The following PRAM1 variants were observed in gnomAD, a reference collection of about 807,000 sequenced individuals.
PRAM1 encodes the protein PML-RARA regulated adaptor molecule 1, also known as PML-RARA-regulated adapter molecule 1.
A neutral mutation model predicts 55.3 loss-of-function variants in PRAM1; 41 were observed. That is an observed-to-expected ratio of 0.74 (90% confidence interval 0.58 to 0.96). PRAM1 has a LOEUF of 0.96. PRAM1 is among the 40% of genes least tolerant of loss of function. The pLI is 0.00. For missense variants in PRAM1, 898 were observed against 892.7 expected (o/e 1.01, Z -0.08); for synonymous variants, 401 against 387.1 (o/e 1.04, Z -0.42).
Position 8,490,413 on chromosome 19 carries a change from C to T in PRAM1, c.1941-41G>A. 6.2e-7 allele frequency: 1 copy of T among 1,613,854 alleles called. No individual in the cohort carries two copies. The highest frequency in any genetic ancestry group is 8.5e-7 in the Non-Finnish European group (1 of 1,179,832). On this transcript the variant is annotated intron_variant, in intron 8 of 9. Transcript: ENST00000423345. This position sits in a 1 kb window ranked among gnomAD's most constrained non-coding sequence, Gnocchi z 7.3. ...TGGGTCAGCAAGGGGCACCGTGGCC[C>T]ATTCCCCCCACCCTGCACCACACAC...
At chr19:8,496,223 G>A in intron 4 of PRAM1, 1 of 395,754 alleles carries the variant, frequency 2.5e-6, no homozygotes, top group East Asian at 8.8e-5. Context: ...AGGCCAGCCT[G>A]GCCAATGTAG....
chr19:8,500,726 A>C (rs897228024), intron 1 of PRAM1, among the ~76,000 whole-genome samples: 3 of 151,934 alleles, frequency 2.0e-5, no homozygotes, highest in African/African-American at 7.3e-5. Context: ...CTCTGTTCTC[A>C]TATTTTCTTA....
intron 4 of PRAM1, among the ~76,000 whole-genome samples, chr19:8,492,912 G>A (rs762330107): frequency 2.6e-5 from 4 of 152,148 alleles, no homozygotes; most frequent in South Asian, 2.1e-4. Context: ...CAGGAGAATC[G>A]CCGGAACCTG....
intron 4 of PRAM1, among the ~76,000 whole-genome samples, chr19:8,497,012 C>T (rs919556815): frequency 4.0e-5 from 6 of 151,876 alleles, no homozygotes; most frequent in Non-Finnish European, 7.4e-5. Flanking sequence ...GGTGACAGAG[C>T]GAGACTCCAT....
intron 1 of PRAM1, 54 bp from the exon 2 acceptor site, chr19:8,499,834 G>T: frequency 6.9e-7 from 1 of 1,452,282 alleles, no homozygotes. Flanking sequence ...AAGGGGCATG[G>T]AAGGATGGGC....
chr19:8,502,613 G>A lies in PRAM1; in HGVS notation c.-22C>T, dbSNP rs1262209944. On this transcript the variant is annotated 5_prime_UTR_variant, in exon 1 of 10. Coordinates refer to ENST00000423345, the MANE Select transcript of PRAM1 (RefSeq NM_032152.5). ...CCATGGGATGAGTGGGACCCGAGCT[G>A]GGGCCGCTGCCTTCAGGAAGTGACT... The A allele has an allele frequency of 1.3e-6, 2 of 1,549,294 alleles. No homozygotes were observed. The highest frequency in any genetic ancestry group is 1.7e-6 in the Non-Finnish European group (2 of 1,148,036).
intron 4 of PRAM1, chr19:8,491,494 A>C: frequency 4.9e-6 from 2 of 405,590 alleles, no homozygotes; most frequent in African/African-American, 2.1e-5. Context: ...CGGCCTCCTA[A>C]AGTGCTGGGA....
chr19:8,498,799 C>T lies in PRAM1; in HGVS notation c.1009G>A (p.Glu337Lys). The change falls in exon 2 of 10, where the codon GAG (glutamate) becomes AAG (lysine). Residue 337 changes from glutamate to lysine, a missense_variant. Physicochemically the swap from Glu to Lys is moderately conservative, Grantham distance 56. Around this residue, in one of 4 missense-constraint regions of PRAM1, gnomAD observed 787 missense variants for 735.4 expected, o/e 1.07. Transcript: ENST00000423345. Reference sequence around the variant, plus strand: ...AGCTTCCTGGGGAGTGAGTTGAACTCGGGCTCTGAGGAGGTCCTGGGGAGG... The same window carrying T: ...AGCTTCCTGGGGAGTGAGTTGAACTTGGGCTCTGAGGAGGTCCTGGGGAGG... ...GGLPRTSSEPEFNSLPRKLLQ... is the reference protein window; with the variant it reads ...GGLPRTSSEPKFNSLPRKLLQ... 6.3e-7 allele frequency: 1 copy of T among 1,580,242 alleles called. No individual in the cohort carries two copies. The highest frequency in any genetic ancestry group is 8.6e-7 in the Non-Finnish European group (1 of 1,163,772).
In PRAM1 at chr19:8,490,696, G is replaced by C. The variant is rs745481872; in HGVS notation, c.1804C>G (p.Arg602Gly). 7.5e-6 allele frequency: 12 copies of C among 1,609,138 alleles called. No individual in the cohort carries two copies. Among genetic ancestry groups the C allele is most frequent in the Non-Finnish European group, 1.0e-5 (12 of 1,177,998 alleles). ...MMIDPNAKTR[R>G]GGGKHLGIRR... Reference sequence around the variant, plus strand: ...ATCCCGAGGTGCTTGCCACCCCCGCGACGTGTCTTAGCGTTGGGGTCGATC... The same window carrying C: ...ATCCCGAGGTGCTTGCCACCCCCGCCACGTGTCTTAGCGTTGGGGTCGATC... The change falls in exon 7 of 10, where the codon CGC becomes GGC. Residue 602 changes from arginine to glycine, a missense_variant. Transcript: ENST00000423345. This position sits in a 1 kb window ranked among gnomAD's most constrained non-coding sequence, Gnocchi z 7.3.
intron 3 of PRAM1, 41 bp from the exon 4 acceptor site, chr19:8,497,881 T>A: frequency 7.3e-7 from 1 of 1,379,262 alleles, no homozygotes; most frequent in Non-Finnish European, 9.8e-7. Context: ...TTTTTTTTTT[T>A]TTTTTTTTTT....
At chr19:8,499,900 G>A (rs1284856505) in intron 1 of PRAM1, 120 bp from the exon 2 acceptor site, 1 of 808,152 alleles carries the variant, frequency 1.2e-6, no homozygotes, top group Non-Finnish European at 1.9e-6. Flanking sequence ...GGCCCGGTCA[G>A]CCCTCAGCTC....
At chr19:8,491,237 T>C in intron 4 of PRAM1, 80 bp from the exon 5 acceptor site, 4 of 1,437,264 alleles carry the variant, frequency 2.8e-6, no homozygotes, top group Non-Finnish European at 3.8e-6. Flanking sequence ...TTGTTTGTTT[T>C]TGTGTTTTTG....
At chr19:8,491,478 T>G in intron 4 of PRAM1, 1 of 453,814 alleles carries the variant, frequency 2.2e-6, no homozygotes, top group Non-Finnish European at 4.0e-6. Context: ...GGCAATCCAC[T>G]CGCCTCGGCC....
chr19:8,498,950 C>T lies in PRAM1; in HGVS notation c.858G>A (p.Pro286=), dbSNP rs116038361. The change falls in exon 2 of 10, where the codon CCG becomes CCA. Residue 286 remains proline (P), a synonymous_variant. Coordinates refer to ENST00000423345, the MANE Select transcript of PRAM1 (RefSeq NM_032152.5). ...PPLSDFPKKP[P]QPELGDLTRT... The stretch of plus-strand genomic sequence containing the variant: ...TGGTGAGGTCCCCAAGCTCAGGCTG[C>T]GGAGGCTTCTTGGGAAAGTCACTCA... 1,746 of 1,613,846 alleles carry T rather than the reference C, an allele frequency of 1.1e-3. 16 individuals are homozygous for T. In the African/African-American group the frequency reaches 0.02, roughly 18 times the overall value.
At chr19:8,502,407 T>G (rs1055431361) in intron 1 of PRAM1, among the ~76,000 whole-genome samples, 158 bp downstream of exon 1, 1 of 152,120 alleles carries the variant, frequency 6.6e-6, no homozygotes, top group Non-Finnish European at 1.5e-5. Flanking sequence ...GCCGCCTACC[T>G]CGGGTCCTTT....
chr19:8,502,107 G>A (rs933422667), intron 1 of PRAM1, among the ~76,000 whole-genome samples: 6 of 152,184 alleles, frequency 3.9e-5, no homozygotes, highest in African/African-American at 1.4e-4. Context: ...AAGTGCCCCT[G>A]TCAAAGCCCC....
At chr19:8,502,432 C>T (rs1185223329) in intron 1 of PRAM1, 133 bp downstream of exon 1, 17 of 1,130,768 alleles carry the variant, frequency 1.5e-5, no homozygotes, top group Admixed American at 4.1e-5. Context: ...CGACCCTTCC[C>T]GTTTCCCAGA....
chr19:8,494,018 G>A lies in PRAM1; in HGVS notation c.1577-2861C>T, dbSNP rs370596497. On this transcript the variant is annotated intron_variant, in intron 4 of 9. Coordinates refer to ENST00000423345, the MANE Select transcript of PRAM1 (RefSeq NM_032152.5). ...TCACCATGTTGGCCAGGCTGGTCTC[G>A]AACTCCCAACCTCAACTGATCCGCC... 1.5e-3 allele frequency among the ~76,000 whole-genome samples: 222 copies of A among 152,138 alleles called. 2 individuals carry two copies. The South Asian group carries it at 0.025, about 17-fold the overall frequency.
In PRAM1 at chr19:8,499,029, C is replaced by A. The variant is rs752774795; in HGVS notation, c.779G>T (p.Ser260Ile). The change falls in exon 2 of 10, where the codon AGC (serine) becomes ATC (isoleucine). Residue 260 changes from serine to isoleucine, a missense_variant. Ser to Ile is a moderately radical substitution (Grantham distance 142). Coordinates refer to ENST00000423345, the MANE Select transcript of PRAM1 (RefSeq NM_032152.5). ...GGCGCTGGAGTCGCGCTTCGGCTCG[C>A]TGGACTGAGGCTTCCAGAGGGGAGT... ...AQTPLWKPQS[S>I]EPKRDSSAFP... The A allele has an allele frequency of 6.2e-7, 1 of 1,613,562 alleles. No individual in the cohort carries two copies. Among genetic ancestry groups the A allele is most frequent in the Non-Finnish European group, 8.5e-7 (1 of 1,179,780 alleles).
Sources: gnomAD v4.1 joint callset for allele counts (sites outside exome capture counted in the v4.1 genomes callset) on GRCh38, gnomAD v4.1.1 for gene constraint, gnomAD v4.1.1 regional missense constraint, Gnocchi (gnomAD v3.1) non-coding constraint, MANE v1.5 for transcripts, NCBI Gene and HGNC (gene_info 2026-07-23, HGNC 2026-07-21) for gene names.